Variants in MTPAP observed in about 807,000 individuals in gnomAD.
The protein encoded by MTPAP is poly(A) RNA polymerase, mitochondrial.
Under a neutral mutation model 48.7 loss-of-function variants are expected in MTPAP, and 23 were observed. That is an observed-to-expected ratio of 0.47 (90% CI 0.34 to 0.67). The LOEUF is 0.67. Ranked by LOEUF, MTPAP falls within the 30% of genes least tolerant of loss-of-function variation. The probability of loss-of-function intolerance (pLI) is 0.01; values close to 1 mark genes in which losing one functional copy is unlikely to be tolerated. For synonymous variants in MTPAP, 257 were observed against 254.1 expected (o/e 1.01, Z -0.11); for missense variants, 614 against 694.3 (o/e 0.88, Z 1.30).
intron 1 of MTPAP, chr10:30,348,862 T>C: frequency 1.9e-6 from 1 of 535,090 alleles, no homozygotes; most frequent in Non-Finnish European, 3.3e-6. Flanking sequence ...CTGACCTGAA[T>C]TTCATGGAAG....
chr10:30,339,319 A>G (rs1588720428), intron 3 of MTPAP, among the ~76,000 whole-genome samples: 1 of 151,828 alleles, frequency 6.6e-6, no homozygotes, highest in Admixed American at 6.6e-5. Flanking sequence ...AAACTCCGTC[A>G]CTACTAAAAA....
chr10:30,325,134 CAT>C (rs998239358), intron 5 of MTPAP, among the ~76,000 whole-genome samples: 4 of 151,480 alleles, frequency 2.6e-5, no homozygotes, highest in Non-Finnish European at 5.9e-5. Flanking sequence ...AAGAAAAAAA[CAT>C]AATTACAAAG....
Position 30,336,986 on chromosome 10 carries a change from T to C in MTPAP, c.597A>G (p.Leu199=). ...QLNTLLKEFQ[L]TEENTKLRYL... ...ATCGGAGCTTAGTGTTCTCCTCTGT[T>C]AGCTGGAACTCCTTCAAGAGAGTGT... The change falls in exon 4 of 9, where the codon CTA becomes CTG. Residue 199 remains leucine, a synonymous_variant. Transcript: ENST00000263063. The C allele has an allele frequency of 1.9e-6, 3 of 1,613,572 alleles. No homozygotes were observed. Among genetic ancestry groups the C allele is most frequent in the Non-Finnish European group, 1.7e-6 (2 of 1,180,010 alleles).
At chr10:30,316,935 A>G (rs1015441313) in intron 6 of MTPAP, among the ~76,000 whole-genome samples, 1 of 152,080 alleles carries the variant, frequency 6.6e-6, no homozygotes, top group Non-Finnish European at 1.5e-5. Flanking sequence ...TTTCTACTCT[A>G]TTCTTTATTT....
chr10:30,331,230 C>T (rs1834662247), intron 4 of MTPAP, among the ~76,000 whole-genome samples: 1 of 152,150 alleles, frequency 6.6e-6, no homozygotes, highest in Non-Finnish European at 1.5e-5. Flanking sequence ...ATAAATACTT[C>T]CTATTAATGT....
rs1388946228 is a variant in MTPAP at position 30,312,079 on chromosome 10, G to A, written c.*1530C>T. 6.6e-6 allele frequency: 1 copy of A among 152,250 alleles called. No homozygotes were observed. Among genetic ancestry groups the A allele is most frequent in the East Asian group, 1.9e-4 (1 of 5,180 alleles). The allele number at this position is 152,250 out of a possible 1,614,324, so 9.4% of individuals were successfully genotyped here. On this transcript the variant is annotated 3_prime_UTR_variant, in exon 9 of 9. Transcript: ENST00000263063. ...GAATCCGGGAGGCGGAGGTTGCAGTGAGCTGAGATTGTGCCATTGCACCCC... is the reference window on the plus strand; with the variant it reads ...GAATCCGGGAGGCGGAGGTTGCAGTAAGCTGAGATTGTGCCATTGCACCCC...
At chr10:30,334,324 T>G (rs971525111) in intron 4 of MTPAP, among the ~76,000 whole-genome samples, 7 of 151,948 alleles carry the variant, frequency 4.6e-5, no homozygotes, top group Non-Finnish European at 7.3e-5. Context: ...TTGATCATTA[T>G]GATATTTACA....
chr10:30,337,437 T>C (rs1164467023), intron 3 of MTPAP, among the ~76,000 whole-genome samples: 1 of 151,536 alleles, frequency 6.6e-6, no homozygotes, highest in East Asian at 1.9e-4. Flanking sequence ...AAAAAAATAC[T>C]CTTTAAAAAC....
rs762331215 is a variant in MTPAP at position 30,340,281 on chromosome 10, T to A, written c.500A>T (p.Asn167Ile). 2.5e-6 allele frequency: 4 copies of A among 1,614,192 alleles called. No individual in the cohort carries two copies. The Admixed American group carries it at 6.7e-5, about 27-fold the overall frequency. ...TSERSRVRSS[N>I]QLPRSNKQLF... The stretch of plus-strand genomic sequence containing the variant: ...CTGCTTGTTTGAACGTGGCAACTGA[T>A]TACTTGACCGTACGCGTGACCGTTC... Residue 167 changes from asparagine (N) to isoleucine (I), a missense_variant, in exon 3 of 9, where the codon AAT becomes ATT. By Grantham distance (149) the Asn-to-Ile change is moderately radical. Around this residue, in one of 5 missense-constraint regions of MTPAP, gnomAD observed 114 missense variants for 107.9 expected, o/e 1.06. Transcript: ENST00000263063.
Position 30,336,928 on chromosome 10 carries a change from C to A in MTPAP, c.655G>T (p.Ala219Ser). Reference sequence around the variant, plus strand: ...ACTATGCAGTCTGGAAAATACGCGGCGGCCATGTCTTCAATAAGAGAACAG... The same window carrying A: ...ACTATGCAGTCTGGAAAATACGCGGAGGCCATGTCTTCAATAAGAGAACAG... The part of the protein sequence containing the change: ...LTCSLIEDMA[A>S]AYFPDCIVRP... Residue 219 changes from alanine to serine, a missense_variant, in exon 4 of 9, where the codon GCC becomes TCC. By Grantham distance (99) the Ala-to-Ser change is moderately conservative. Around this residue, in one of 5 missense-constraint regions of MTPAP, gnomAD observed 261 missense variants for 355.4 expected, o/e 0.73. Coordinates refer to ENST00000263063, the MANE Select transcript of MTPAP (RefSeq NM_018109.4). 1.9e-6 allele frequency: 3 copies of A among 1,613,350 alleles called. No homozygotes were observed. The highest frequency in any genetic ancestry group is 2.5e-6 in the Non-Finnish European group (3 of 1,179,874).
chr10:30,335,194 C>T (rs552114143), intron 4 of MTPAP, among the ~76,000 whole-genome samples: 2 of 152,252 alleles, frequency 1.3e-5, no homozygotes, highest in Non-Finnish European at 2.9e-5. Context: ...TTTATAAAAA[C>T]ACATAGCCTT....
rs1384081890 is a variant in MTPAP, at chr10:30,311,267, G to A, written c.*2342C>T. On this transcript the variant is annotated 3_prime_UTR_variant, in exon 9 of 9. Transcript: ENST00000263063. ...GTACAGAACACTGATATTTGTTGGT[G>A]TCAAATGTGCAATCCAATAGCACAG... 1 of 152,140 alleles carries A rather than the reference G, an allele frequency of 6.6e-6. No individual in the cohort carries two copies. Among genetic ancestry groups the A allele is most frequent in the East Asian group, 1.9e-4 (1 of 5,200 alleles). 9.4% of individuals were successfully genotyped at this position (152,140 alleles called of 1,614,324 possible). A position where few individuals can be genotyped will look rare whatever the true frequency, so the allele number is the denominator to read the frequency against.
At chr10:30,329,377 A>T (rs1216697473) in intron 4 of MTPAP, among the ~76,000 whole-genome samples, 3 of 152,014 alleles carry the variant, frequency 2.0e-5, no homozygotes, top group African/African-American at 7.2e-5. Flanking sequence ...ACAGGTACAC[A>T]CCACCACACC....
chr10:30,341,672 C>T (rs201327301), intron 1 of MTPAP, 32 bp from the exon 2 acceptor site: 46 of 1,611,046 alleles, frequency 2.9e-5, no homozygotes, highest in African/African-American at 1.2e-4. Flanking sequence ...TTCCACCACA[C>T]GCACACACAC....
At chr10:30,347,935 C>T (rs1281262982) in intron 1 of MTPAP, among the ~76,000 whole-genome samples, 1 of 150,856 alleles carries the variant, frequency 6.6e-6, no homozygotes, top group African/African-American at 2.4e-5. Flanking sequence ...TTTTTGCCAC[C>T]GAATAGCTGA....
intron 4 of MTPAP, among the ~76,000 whole-genome samples, chr10:30,332,663 C>T (rs1262762725): frequency 6.6e-6 from 1 of 151,986 alleles, no homozygotes; most frequent in Admixed American, 6.6e-5. Flanking sequence ...TACCTCTATA[C>T]CTCAGAAATC....
rs778943353 is a variant in MTPAP, at chr10:30,341,639, G to T, written c.159C>A (p.Gly53=). ...DEQPSGSVET[G]FEDKIPKRRF... is the part of the protein sequence containing the mutation. Reference sequence around the variant, plus strand: ...TCCTTTTGGGAATCTTGTCTTCAAAGCCTATGAACGAGACAAAAACATTTC... The same window carrying T: ...TCCTTTTGGGAATCTTGTCTTCAAATCCTATGAACGAGACAAAAACATTTC... Residue 53 remains glycine (G), a splice_region_variant and synonymous_variant, in exon 2 of 9, where the codon GGC becomes GGA. Coordinates refer to ENST00000263063, the MANE Select transcript of MTPAP (RefSeq NM_018109.4). The T allele has an allele frequency of 1.2e-6, 2 of 1,613,778 alleles. No homozygotes were observed. Among genetic ancestry groups the T allele is most frequent in the Non-Finnish European group, 8.5e-7 (1 of 1,179,982 alleles).
At chr10:30,327,225 C>T (rs1310179620) in intron 4 of MTPAP, among the ~76,000 whole-genome samples, 1 of 151,842 alleles carries the variant, frequency 6.6e-6, no homozygotes, top group African/African-American at 2.4e-5. Context: ...CAGTGGCTCA[C>T]GTCTGTAATC....
chr10:30,334,267 G>A (rs1196435592), intron 4 of MTPAP, among the ~76,000 whole-genome samples: 1 of 152,150 alleles, frequency 6.6e-6, no homozygotes, highest in African/African-American at 2.4e-5. Context: ...AATGAGTCGA[G>A]GAATGGAGGG....
Sources: gnomAD v4.1 joint callset for allele counts (sites outside exome capture counted in the v4.1 genomes callset) on GRCh38, gnomAD v4.1.1 for gene constraint, gnomAD v4.1.1 regional missense constraint, MANE v1.5 for transcripts, NCBI Gene and HGNC (gene_info 2026-07-23, HGNC 2026-07-21) for gene names.